The following FAR2 variants were observed in gnomAD, a reference collection of about 807,000 sequenced individuals.
FAR2 encodes epididymis secretory protein Li 81.
FAR2 carries 19 observed loss-of-function variants against 56.0 expected under a neutral mutation model. The ratio of observed to expected loss-of-function variants is 0.34; its 90% CI spans 0.24 to 0.50. FAR2 has a LOEUF of 0.50. Among genes scored for constraint, FAR2 ranks in the 20% least tolerant of loss-of-function variants. The probability of loss-of-function intolerance (pLI) is 0.98; values close to 1 mark genes in which losing one functional copy is unlikely to be tolerated. For synonymous variants in FAR2, 219 were observed against 218.8 expected, an observed-to-expected ratio of 1.00 and a Z score of -0.01; for missense variants, 508 against 642.2, an observed-to-expected ratio of 0.79 and a Z score of 2.26.
At chr12:29,199,479 A>G (rs967314331) in intron 1 of FAR2, among the ~76,000 whole-genome samples, 1 of 151,854 alleles carries the variant, frequency 6.6e-6, no homozygotes, top group African/African-American at 2.4e-5. Flanking sequence ...GGGTGCCTGT[A>G]GTCCCAGCTA....
Position 29,234,481 on chromosome 12 carries a change from T to C in FAR2, c.-38-35931T>C, listed in dbSNP as rs932536689. On this transcript the variant is annotated intron_variant, in intron 1 of 11. Transcript: ENST00000536681. ...CCTTCTTTCACCCTTTTCACAGCTA[T>C]ATTTTGATTCAGGCTCTCTATATTT... Among the ~76,000 whole-genome samples the C allele has an allele frequency of 2.6e-5, 4 of 152,290 alleles. No individual in the cohort carries two copies. The South Asian group carries it at 8.3e-4, about 32-fold the overall frequency.
intron 1 of FAR2, among the ~76,000 whole-genome samples, chr12:29,221,908 C>G (rs1947697690): frequency 6.6e-6 from 1 of 152,098 alleles, no homozygotes; most frequent in African/African-American, 2.4e-5. Context: ...AATACAGTGG[C>G]ATGATCTTGG....
chr12:29,156,256 AAAAG>A (rs1178700991), intron 1 of FAR2, among the ~76,000 whole-genome samples: 1 of 152,250 alleles, frequency 6.6e-6, no homozygotes, highest in Non-Finnish European at 1.5e-5. Flanking sequence ...CTCACCAAAA[AAAAG>A]ATAAGTGATG....
intron 1 of FAR2, among the ~76,000 whole-genome samples, chr12:29,161,686 C>T (rs1316882808): frequency 6.6e-6 from 1 of 152,204 alleles, no homozygotes; most frequent in East Asian, 1.9e-4. Context: ...ATGCAAAGAG[C>T]TTTAATAAAT....
intron 1 of FAR2, among the ~76,000 whole-genome samples, chr12:29,256,508 C>T (rs1948318814): frequency 6.6e-6 from 1 of 152,224 alleles, no homozygotes; most frequent in South Asian, 2.1e-4. Context: ...CGCTCACTCT[C>T]AGCACTTCCT....
chr12:29,300,629 AGTTGTTGTT>A (rs34282694), intron 4 of FAR2, among the ~76,000 whole-genome samples: 21 of 150,210 alleles, frequency 1.4e-4, no homozygotes, highest in Middle Eastern at 3.4e-3. Context: ...CCTGGGGGAA[AGTTGTTGTT>A]GTTGTTGTTG....
intron 10 of FAR2, among the ~76,000 whole-genome samples, chr12:29,324,723 C>G (rs1565525844): frequency 3.3e-5 from 5 of 152,134 alleles, no homozygotes; most frequent in Non-Finnish European, 7.4e-5. Flanking sequence ...ACCACCAGGC[C>G]TGCCCTAAAA....
chr12:29,324,893 A>G (rs1199213006), intron 10 of FAR2, among the ~76,000 whole-genome samples: 1 of 152,224 alleles, frequency 6.6e-6, no homozygotes, highest in African/African-American at 2.4e-5. Flanking sequence ...AAATTCACAC[A>G]TAACAATACT....
chr12:29,286,356 C>G (rs546033247), intron 2 of FAR2, among the ~76,000 whole-genome samples: 6 of 152,288 alleles, frequency 3.9e-5, no homozygotes, highest in African/African-American at 1.4e-4. Context: ...TCTCTAATCT[C>G]TAAGTCCATA....
chr12:29,309,328 A>T, intron 6 of FAR2, 98 bp downstream of exon 6: 1 of 854,280 alleles, frequency 1.2e-6, no homozygotes, highest in Non-Finnish European at 1.9e-6. Context: ...CAAAAACATA[A>T]ATGTTACTTT....
At chr12:29,186,971 G>T (rs1301891611) in intron 1 of FAR2, among the ~76,000 whole-genome samples, 3 of 151,962 alleles carry the variant, frequency 2.0e-5, no homozygotes, top group African/African-American at 7.3e-5. Flanking sequence ...TGTATTTTTA[G>T]TAGAGACGGG....
chr12:29,212,535 A>G lies in FAR2; in HGVS notation c.-38-57877A>G, dbSNP rs140150558. Among the ~76,000 whole-genome samples, 220 of 152,206 alleles carry G rather than the reference A, an allele frequency of 1.4e-3. 1 individual carries two copies. The South Asian group carries it at 0.021, about 15-fold the overall frequency. Reference sequence around the variant, plus strand: ...CTATCATTTGGCATAATTACTCATAATTTATATTCTATTCCATATATAGAT... The same window carrying G: ...CTATCATTTGGCATAATTACTCATAGTTTATATTCTATTCCATATATAGAT... On this transcript the variant is annotated intron_variant, in intron 1 of 11. Transcript: ENST00000536681.
At chr12:29,232,374 G>C (rs150863034) in intron 1 of FAR2, among the ~76,000 whole-genome samples, 1 of 151,938 alleles carries the variant, frequency 6.6e-6, no homozygotes, top group African/African-American at 2.4e-5. Flanking sequence ...TCCCCCACTC[G>C]CATCTTCATG....
chr12:29,258,407 T>C (rs953635326), intron 1 of FAR2, among the ~76,000 whole-genome samples: 3 of 152,128 alleles, frequency 2.0e-5, no homozygotes, highest in African/African-American at 4.8e-5. Flanking sequence ...TACATAAATA[T>C]ATGTATAAAT....
At chr12:29,285,447 A>T (rs893291697) in intron 2 of FAR2, among the ~76,000 whole-genome samples, 20 of 152,094 alleles carry the variant, frequency 1.3e-4, no homozygotes, top group Admixed American at 8.5e-4. Flanking sequence ...CCTCTAGTGT[A>T]AGCAGTTTTC....
chr12:29,221,568 C>A (rs1311681289), intron 1 of FAR2, among the ~76,000 whole-genome samples: 1 of 152,144 alleles, frequency 6.6e-6, no homozygotes, highest in Non-Finnish European at 1.5e-5. Flanking sequence ...ACTTTAAATA[C>A]CCCATCTATT....
At chr12:29,167,173 T>C (rs1431387219) in intron 1 of FAR2, among the ~76,000 whole-genome samples, 1 of 152,262 alleles carries the variant, frequency 6.6e-6, no homozygotes, top group African/African-American at 2.4e-5. Context: ...TTGGATACTC[T>C]GCTGCTTTCA....
At chr12:29,308,707 C>CATATATATATATATATATATAT (rs1253144255) in intron 5 of FAR2, among the ~76,000 whole-genome samples, 12 of 136,984 alleles carry the variant, frequency 8.8e-5, no homozygotes, top group African/African-American at 3.6e-4. Flanking sequence ...CACACACACA[C>CATATATATATATATATATATAT]ACACACACAC....
intron 4 of FAR2, among the ~76,000 whole-genome samples, chr12:29,304,640 A>T (rs1172228957): frequency 3.3e-5 from 5 of 152,228 alleles, no homozygotes; most frequent in African/African-American, 1.2e-4. Context: ...ATACATAAAT[A>T]AACCATTAAT....
Sources: allele counts gnomAD v4.1 joint callset (sites outside exome capture counted in the v4.1 genomes callset), GRCh38; gene constraint gnomAD v4.1.1; transcripts MANE v1.5; gene names NCBI Gene and HGNC (gene_info 2026-07-23, HGNC 2026-07-21).